ERC1: variants seen among roughly 807,000 people sequenced by gnomAD.
ERC1 encodes ELKS/RAB6-interacting/CAST family member 1.
Under a neutral mutation model 132.0 loss-of-function variants are expected in ERC1, and 56 were observed. The ratio of observed to expected loss-of-function variants is 0.42; its 90% confidence interval spans 0.34 to 0.53. The LOEUF is 0.53. ERC1 is among the 20% of genes least tolerant of loss of function. ERC1 has a pLI of 0.03. For missense variants in ERC1, 1,202 were observed against 1,349.9 expected, an observed-to-expected ratio of 0.89 and a Z score of 1.72; for synonymous variants, 478 against 476.1, an observed-to-expected ratio of 1.00 and a Z score of -0.05.
chr12:1,395,402 T>G (rs2090442577), intron 16 of ERC1, among the ~76,000 whole-genome samples: 1 of 119,694 alleles, frequency 8.4e-6, no homozygotes, highest in African/African-American at 4.0e-5. Flanking sequence ...AATAGAAATT[T>G]TGTAGTTTTT....
chr12:1,392,936 C>T (rs568074605), intron 16 of ERC1, among the ~76,000 whole-genome samples: 2 of 152,146 alleles, frequency 1.3e-5, no homozygotes, highest in African/African-American at 2.4e-5. Context: ...AATGTAACCA[C>T]GTATGTTTGT....
intron 15 of ERC1, among the ~76,000 whole-genome samples, chr12:1,292,921 T>C (rs559637585): frequency 4.1e-4 from 61 of 149,216 alleles, no homozygotes; most frequent in African/African-American, 1.4e-3. Flanking sequence ...CCGAGGCTGG[T>C]GGATCACAAG....
At chr12:1,346,424 C>A (rs1354654550) in intron 15 of ERC1, among the ~76,000 whole-genome samples, 1 of 152,162 alleles carries the variant, frequency 6.6e-6, no homozygotes, top group East Asian at 1.9e-4. Flanking sequence ...AGTTTTATCA[C>A]CTCACTTCTG....
chr12:1,081,995 G>C (rs57474578), intron 2 of ERC1, among the ~76,000 whole-genome samples: 1 of 150,966 alleles, frequency 6.6e-6, no homozygotes, highest in Non-Finnish European at 1.5e-5. Flanking sequence ...ATACTTAAAA[G>C]TCATTTTGTA....
intron 17 of ERC1, among the ~76,000 whole-genome samples, chr12:1,440,363 C>T (rs952116950): frequency 2.7e-5 from 4 of 149,940 alleles, no homozygotes; most frequent in South Asian, 2.1e-4. Context: ...CGCCACCACG[C>T]CCGGCTAATT....
intron 17 of ERC1, among the ~76,000 whole-genome samples, chr12:1,417,220 A>G (rs373569532): frequency 2.0e-5 from 3 of 152,094 alleles, no homozygotes; most frequent in African/African-American, 7.2e-5. Flanking sequence ...TGTTTTCCAG[A>G]GGGTTCACTC....
At chr12:1,207,031 G>A (rs1378003900) in intron 12 of ERC1, among the ~76,000 whole-genome samples, 5 of 152,058 alleles carry the variant, frequency 3.3e-5, no homozygotes, top group South Asian at 4.1e-4. Flanking sequence ...GAGTCCCTAT[G>A]TTGTTAAAAG....
chr12:1,155,105 GT>G (rs1593783726), intron 8 of ERC1, among the ~76,000 whole-genome samples: 1 of 152,124 alleles, frequency 6.6e-6, no homozygotes, highest in Non-Finnish European at 1.5e-5. Flanking sequence ...ATCACCTGTG[GT>G]CAGGAGTTCA....
In ERC1 at chr12:1,254,882, T is replaced by C. The variant is rs574540465; in HGVS notation, c.2488-8152T>C. Among the ~76,000 whole-genome samples the C allele has an allele frequency of 2.0e-5, 3 of 152,290 alleles. No homozygotes were observed. In the South Asian group the frequency reaches 6.2e-4, roughly 32 times the overall value. On this transcript the variant is annotated intron_variant, in intron 13 of 18. Transcript: ENST00000360905. The stretch of plus-strand genomic sequence containing the variant: ...TTGTGGAATGATCAAATCAGGCTAA[T>C]TAACATATCCATCACCTCACATACT...
chr12:1,054,969 G>A (rs1972672974), intron 2 of ERC1, among the ~76,000 whole-genome samples: 1 of 152,152 alleles, frequency 6.6e-6, no homozygotes, highest in African/African-American at 2.4e-5. Context: ...ATTCTTAAGA[G>A]TAAAATCACT....
At chr12:1,039,919 C>T (rs1020632825) in intron 2 of ERC1, among the ~76,000 whole-genome samples, 1 of 152,072 alleles carries the variant, frequency 6.6e-6, no homozygotes, top group East Asian at 1.9e-4. Context: ...TCATCCAGCT[C>T]GATTTGTGTT....
intron 1 of ERC1, among the ~76,000 whole-genome samples, chr12:1,014,592 A>G (rs114670862): frequency 0.034 from 5,248 of 152,324 alleles, 96 homozygotes; most frequent in Middle Eastern, 0.061. Flanking sequence ...CTTTTACCGT[A>G]CAAATCATTT....
intron 18 of ERC1, among the ~76,000 whole-genome samples, chr12:1,470,626 G>A (rs1330238777): frequency 6.6e-6 from 1 of 151,998 alleles, no homozygotes; most frequent in Non-Finnish European, 1.5e-5. Context: ...ATAACGACGA[G>A]CCCTTAATTT....
intron 14 of ERC1, among the ~76,000 whole-genome samples, chr12:1,274,682 G>A (rs1483206403): frequency 6.6e-6 from 1 of 151,932 alleles, no homozygotes; most frequent in Admixed American, 6.6e-5. Context: ...TAGTAGAGAT[G>A]GGATTCCAGC....
chr12:1,189,229 A>G (rs1033304446), intron 11 of ERC1, among the ~76,000 whole-genome samples: 6 of 152,060 alleles, frequency 3.9e-5, no homozygotes, highest in Admixed American at 6.6e-5. Flanking sequence ...GTGGTTCTCG[A>G]TTTCTGAATT....
chr12:1,410,355 G>C lies in ERC1; in HGVS notation c.3024+2108G>C, dbSNP rs751742690. The C allele has an allele frequency of 2.8e-5, 30 of 1,055,738 alleles. No homozygotes were observed. In the Admixed American group the frequency reaches 6.8e-4, roughly 24 times the overall value. The allele number at this position is 1,055,738 out of a possible 1,614,324, so 65.4% of individuals were successfully genotyped here. A position where few individuals can be genotyped will look rare whatever the true frequency, so the allele number is the denominator to read the frequency against. ...CTCTTTTTCATTCCATGCTGCCCTGGGGCATTGCCCCCTTGTCATCTCTCT... is the reference window on the plus strand; with the variant it reads ...CTCTTTTTCATTCCATGCTGCCCTGCGGCATTGCCCCCTTGTCATCTCTCT... On this transcript the variant is annotated intron_variant, in intron 17 of 18. Coordinates refer to ENST00000360905, the MANE Select transcript of ERC1 (RefSeq NM_178040.4).
intron 14 of ERC1, among the ~76,000 whole-genome samples, chr12:1,278,722 AT>A (rs1426296839): frequency 6.6e-6 from 1 of 152,186 alleles, no homozygotes; most frequent in Non-Finnish European, 1.5e-5. Flanking sequence ...TTAAAGTTAT[AT>A]TCATCCCTTT....
intron 12 of ERC1, among the ~76,000 whole-genome samples, chr12:1,227,565 G>A (rs1171126572): frequency 6.6e-6 from 1 of 152,146 alleles, no homozygotes; most frequent in Non-Finnish European, 1.5e-5. Context: ...CTCCTTATCA[G>A]ATAGGTTTGC....
chr12:1,262,645 T>A (rs932195973), intron 13 of ERC1, among the ~76,000 whole-genome samples: 2 of 152,118 alleles, frequency 1.3e-5, no homozygotes, highest in African/African-American at 4.8e-5. Context: ...AGGGAAAGAG[T>A]GTTTTGATAT....
Sources: allele counts gnomAD v4.1 joint callset (sites outside exome capture counted in the v4.1 genomes callset), GRCh38; gene constraint gnomAD v4.1.1; transcripts MANE v1.5; gene names NCBI Gene and HGNC (gene_info 2026-07-23, HGNC 2026-07-21).